GRM8: variants seen among roughly 807,000 people sequenced by gnomAD.
GRM8 encodes glutamate metabotropic receptor 8.
Under a neutral mutation model 87.2 loss-of-function variants are expected in GRM8, and 47 were observed. The observed-to-expected ratio is 0.54, with a 90% CI of 0.43 to 0.69. The LOEUF (loss-of-function observed/expected upper bound fraction) is 0.69, where lower values mean the gene tolerates loss of function less well. Ranked by LOEUF, GRM8 falls within the 30% of genes least tolerant of loss-of-function variation. GRM8 has a pLI of 0.00. For missense variants in GRM8, 1,019 were observed against 1,139.2 expected (o/e 0.89, Z 1.52); for synonymous variants, 396 against 404.5 (o/e 0.98, Z 0.25).
chr7:126,939,687 A>C (rs1204231418), intron 3 of GRM8, among the ~76,000 whole-genome samples: 1 of 152,210 alleles, frequency 6.6e-6, no homozygotes, highest in Non-Finnish European at 1.5e-5. Flanking sequence ...CTGATGGCCC[A>C]TACTGACCAC....
chr7:126,499,411 T>C (rs1423885086), intron 9 of GRM8, among the ~76,000 whole-genome samples: 7 of 135,358 alleles, frequency 5.2e-5, no homozygotes, highest in Non-Finnish European at 8.1e-5. Flanking sequence ...TAGAGGTTCC[T>C]CCAAAAAAAA....
chr7:126,680,888 T>G (rs1585496290), intron 7 of GRM8, among the ~76,000 whole-genome samples: 1 of 152,236 alleles, frequency 6.6e-6, no homozygotes, highest in South Asian at 2.1e-4. Flanking sequence ...TTTACGTGAT[T>G]AATTTTCCCT....
intron 2 of GRM8, among the ~76,000 whole-genome samples, chr7:127,110,022 T>TA (rs991489559): frequency 2.3e-4 from 35 of 152,238 alleles, no homozygotes; most frequent in Admixed American, 1.3e-3. Flanking sequence ...AGAAAGAAGT[T>TA]AGAGTATTTA....
intron 3 of GRM8, among the ~76,000 whole-genome samples, chr7:126,998,346 C>T (rs1563396531): frequency 6.6e-6 from 1 of 151,756 alleles, no homozygotes; most frequent in Non-Finnish European, 1.5e-5. Flanking sequence ...CCTCTAAGCT[C>T]TAGAACACAA....
intron 2 of GRM8, among the ~76,000 whole-genome samples, chr7:127,110,205 A>G (rs996515034): frequency 2.0e-5 from 3 of 152,130 alleles, no homozygotes; most frequent in Non-Finnish European, 4.4e-5. Flanking sequence ...CTGTGCCCAC[A>G]CTTACAAATA....
At chr7:126,475,929 A>T (rs2150574150) in intron 9 of GRM8, among the ~76,000 whole-genome samples, 1 of 152,304 alleles carries the variant, frequency 6.6e-6, no homozygotes, top group East Asian at 1.9e-4. Flanking sequence ...ATGAAATTGA[A>T]GTTTTATCTT....
intron 6 of GRM8, among the ~76,000 whole-genome samples, chr7:126,773,202 A>T (rs1819047077): frequency 6.6e-6 from 1 of 152,100 alleles, no homozygotes; most frequent in Non-Finnish European, 1.5e-5. Flanking sequence ...ACACACACAC[A>T]CACCCCTCAC....
chr7:126,919,341 T>A (rs1804254157), intron 3 of GRM8, among the ~76,000 whole-genome samples: 1 of 152,190 alleles, frequency 6.6e-6, no homozygotes, highest in South Asian at 2.1e-4. Context: ...CTGCCTCCCA[T>A]GAGTACTGTG....
intron 7 of GRM8, among the ~76,000 whole-genome samples, chr7:126,711,872 G>A (rs1811135049): frequency 6.6e-6 from 1 of 152,232 alleles, no homozygotes; most frequent in Non-Finnish European, 1.5e-5. Flanking sequence ...ATTGAAGAGA[G>A]CAGGGCTTCG....
At chr7:126,725,242 C>T (rs1257844183) in intron 7 of GRM8, among the ~76,000 whole-genome samples, 2 of 152,156 alleles carry the variant, frequency 1.3e-5, no homozygotes, top group South Asian at 2.1e-4. Context: ...TGAATAATCA[C>T]GTACATAAAT....
intron 2 of GRM8, among the ~76,000 whole-genome samples, chr7:127,178,784 A>G (rs1279107579): frequency 6.6e-6 from 1 of 152,208 alleles, no homozygotes; most frequent in Non-Finnish European, 1.5e-5. Context: ...CAGACAAACA[A>G]ATGCTGAGAG....
chr7:127,240,378 A>G (rs1469716798), intron 2 of GRM8, among the ~76,000 whole-genome samples: 1 of 151,750 alleles, frequency 6.6e-6, no homozygotes, highest in Non-Finnish European at 1.5e-5. Context: ...CCAACAATCT[A>G]ACACAATCTT....
chr7:127,025,668 G>A (rs1307694862), intron 3 of GRM8, among the ~76,000 whole-genome samples: 2 of 151,708 alleles, frequency 1.3e-5, no homozygotes, highest in African/African-American at 4.8e-5. Flanking sequence ...TTCAAGTTGT[G>A]TACCACTCAC....
At chr7:126,736,643 T>G (rs1288926899) in intron 7 of GRM8, among the ~76,000 whole-genome samples, 1 of 152,078 alleles carries the variant, frequency 6.6e-6, no homozygotes, top group Non-Finnish European at 1.5e-5. Context: ...GGCTACACGA[T>G]GCCAAGACAG....
chr7:126,686,287 T>G lies in GRM8; in HGVS notation c.1358-76789A>C, dbSNP rs547999464. 3.3e-5 allele frequency among the ~76,000 whole-genome samples: 5 copies of G among 152,262 alleles called. No homozygotes were observed. The East Asian group carries it at 7.8e-4, about 24-fold the overall frequency. ...CTCCACTTGTCTGCATATTTCATTCTTCCTGGACTCAGGACAAGACCTTGG... is the reference window on the plus strand; with the variant it reads ...CTCCACTTGTCTGCATATTTCATTCGTCCTGGACTCAGGACAAGACCTTGG... On this transcript the variant is annotated intron_variant, in intron 7 of 10. Coordinates refer to ENST00000339582, the MANE Select transcript of GRM8 (RefSeq NM_000845.3).
intron 7 of GRM8, among the ~76,000 whole-genome samples, chr7:126,642,695 C>A (rs906967793): frequency 4.0e-5 from 6 of 151,842 alleles, no homozygotes; most frequent in East Asian, 1.9e-4. Flanking sequence ...AACATTCAAG[C>A]AAAGGGTTGT....
intron 6 of GRM8, among the ~76,000 whole-genome samples, chr7:126,791,697 G>A (rs1821350891): frequency 1.3e-5 from 2 of 152,224 alleles, no homozygotes; most frequent in African/African-American, 4.8e-5. Flanking sequence ...ATCAGGTGAA[G>A]AAATAGCTCT....
At chr7:126,943,297 T>C (rs2131550546) in intron 3 of GRM8, among the ~76,000 whole-genome samples, 1 of 152,322 alleles carries the variant, frequency 6.6e-6, no homozygotes, top group East Asian at 1.9e-4. Context: ...CCTGGGTTTC[T>C]GAGTCCCTTT....
intron 8 of GRM8, among the ~76,000 whole-genome samples, chr7:126,553,984 CTTTA>C (rs1342146639): frequency 5.9e-5 from 9 of 152,174 alleles, no homozygotes; most frequent in Admixed American, 5.9e-4. Context: ...CTCTTTTGTA[CTTTA>C]TTTTATTTTT....
Sources: gnomAD v4.1 joint callset for allele counts (sites outside exome capture counted in the v4.1 genomes callset) on GRCh38, gnomAD v4.1.1 for gene constraint, MANE v1.5 for transcripts, NCBI Gene and HGNC (gene_info 2026-07-23, HGNC 2026-07-21) for gene names.